Variants in SHANK2 observed in about 807,000 individuals in gnomAD.
SHANK2 encodes the protein SH3 and multiple ankyrin repeat domains 2, also known as SH3 and multiple ankyrin repeat domains protein 2.
Under a neutral mutation model 133.7 loss-of-function variants are expected in SHANK2, and 43 were observed. The observed-to-expected ratio is 0.32, with a 90% CI of 0.25 to 0.41. The LOEUF (loss-of-function observed/expected upper bound fraction) is 0.41, where lower values mean the gene tolerates loss of function less well. Ranked by LOEUF, SHANK2 falls within the 10% of genes least tolerant of loss-of-function variation. SHANK2 has a pLI of 1.00. For synonymous variants in SHANK2, 1,017 were observed against 952.8 expected, an observed-to-expected ratio of 1.07 and a Z score of -1.24; for missense variants, 1,994 against 2,235.8, an observed-to-expected ratio of 0.89 and a Z score of 2.18.
chr11:70,530,247 C>A (rs11236559), intron 17 of SHANK2, among the ~76,000 whole-genome samples: 67,780 of 152,058 alleles, frequency 0.45, 17,649 homozygotes, highest in Non-Finnish European at 0.58. Flanking sequence ...GGCCGGGCAC[C>A]GTGGCTCATG....
intron 25 of SHANK2, chr11:70,474,397 C>G (rs1252114455): frequency 6.6e-6 from 1 of 152,236 alleles, no homozygotes; most frequent in East Asian, 1.9e-4. Context: ...GAGGACGACC[C>G]TTCTAGCTCC....
intron 9 of SHANK2, among the ~76,000 whole-genome samples, chr11:71,063,024 G>A (rs1207819578): frequency 2.1e-5 from 3 of 145,204 alleles, no homozygotes; most frequent in East Asian, 2.0e-4. Flanking sequence ...AAAAGATAGA[G>A]AGTAAGAGAG....
rs1232753289 is a variant in SHANK2, at chr11:71,152,181, C to T, written c.-12-4843G>A. On this transcript the variant is annotated intron_variant, in intron 2 of 25. Coordinates refer to ENST00000601538, the MANE Select transcript of SHANK2 (RefSeq NM_012309.5). Reference sequence around the variant, plus strand: ...AGGCCAGAGTGCAGGGGTGCAATCTCGGCTCACTGCAACCTCCGCCTCCCA... The same window carrying T: ...AGGCCAGAGTGCAGGGGTGCAATCTTGGCTCACTGCAACCTCCGCCTCCCA... 2.6e-5 allele frequency among the ~76,000 whole-genome samples: 4 copies of T among 152,242 alleles called. No individual in the cohort carries two copies. The South Asian group carries it at 6.2e-4, about 24-fold the overall frequency.
intron 21 of SHANK2, among the ~76,000 whole-genome samples, chr11:70,496,120 G>T (rs1363842007): frequency 1.3e-5 from 2 of 152,184 alleles, no homozygotes; most frequent in African/African-American, 4.8e-5. Context: ...TGCAGGGGAA[G>T]GCCTGGGCGC....
chr11:70,664,512 G>T (rs1437249763), intron 15 of SHANK2, among the ~76,000 whole-genome samples: 1 of 152,208 alleles, frequency 6.6e-6, no homozygotes, highest in African/African-American at 2.4e-5. Context: ...GGGGTCTGGA[G>T]CTCAGGGCCC....
At chr11:70,693,937 G>T (rs1945340575) in intron 15 of SHANK2, among the ~76,000 whole-genome samples, 2 of 152,192 alleles carry the variant, frequency 1.3e-5, no homozygotes, top group Admixed American at 6.5e-5. Context: ...TAAATAGGTG[G>T]ATAGATGAGT....
rs1555098825 is a variant in SHANK2, at chr11:71,110,028, C to G, written c.505G>C (p.Asp169His). Residue 169 changes from aspartate to histidine, a missense_variant, in exon 6 of 26, where the codon GAT (aspartate) becomes CAT (histidine). Around this residue, in one of 5 missense-constraint regions of SHANK2, gnomAD observed 653 missense variants for 563.4 expected, o/e 1.16. Coordinates refer to ENST00000601538, the MANE Select transcript of SHANK2 (RefSeq NM_012309.5). ...TCCACCAAGCGATGCTGAATGTGAT[C>G]CATGCATTTCTTCAGATTGGTCTAG... The part of the protein sequence containing the change: ...HTKTNLKKCM[D>H]HIQHRLVEKI... The G allele has an allele frequency of 1.9e-6, 3 of 1,551,084 alleles. No homozygotes were observed. Among genetic ancestry groups the G allele is most frequent in the East Asian group, 2.4e-5 (1 of 40,918 alleles).
At chr11:70,767,901 A>G (rs1368676777) in intron 14 of SHANK2, among the ~76,000 whole-genome samples, 1 of 152,210 alleles carries the variant, frequency 6.6e-6, no homozygotes, top group Non-Finnish European at 1.5e-5. Context: ...CAGATATGCC[A>G]GTGCTCCCTT....
intron 17 of SHANK2, among the ~76,000 whole-genome samples, chr11:70,503,917 CA>C (rs1365780349): frequency 6.6e-6 from 1 of 152,186 alleles, no homozygotes; most frequent in African/African-American, 2.4e-5. Flanking sequence ...TAGTGGTTTT[CA>C]AATGTTGCTG....
chr11:70,636,774 C>G (rs12797701), intron 17 of SHANK2, among the ~76,000 whole-genome samples: 41 of 104,730 alleles, frequency 3.9e-4, no homozygotes, highest in African/African-American at 9.5e-4. Flanking sequence ...GTGTGAGCAT[C>G]TGTGTGAGCA....
rs782195538 is a variant in SHANK2, at chr11:70,486,843, G to A, written c.3450C>T (p.Pro1150=). 17 of 1,612,726 alleles carry A rather than the reference G, an allele frequency of 1.1e-5. No homozygotes were observed. The highest frequency in any genetic ancestry group is 1.4e-5 in the Non-Finnish European group (16 of 1,179,926). ...CCACGAAATGGTTTTCGGGCTCCCT[G>A]GGCGTGGCACTCGGCATGGGGGATG... The part of the protein sequence containing the change: ...QLSSPMPSAT[P]REPENHFVGG... Residue 1150 remains proline, a synonymous_variant, in exon 25 of 26, where the codon CCC becomes CCT. Transcript: ENST00000601538. The surrounding 1 kb of genome is among the most constrained non-coding windows in gnomAD (Gnocchi z 8.0).
At chr11:70,841,435 A>C (rs1267264779) in intron 11 of SHANK2, among the ~76,000 whole-genome samples, 1 of 152,194 alleles carries the variant, frequency 6.6e-6, no homozygotes, top group Non-Finnish European at 1.5e-5. Context: ...GAGGAGTCCA[A>C]GGTTCAGAGC....
At chr11:70,599,885 AAGAAAAAG>A (rs1313799478) in intron 17 of SHANK2, among the ~76,000 whole-genome samples, 3 of 96,558 alleles carry the variant, frequency 3.1e-5, no homozygotes, top group African/African-American at 1.2e-4. Flanking sequence ...GAAAGAAAGA[AAGAAAAAG>A]AAAGAAAGAA....
chr11:70,661,275 C>A (rs550567222), intron 16 of SHANK2, among the ~76,000 whole-genome samples: 3 of 152,198 alleles, frequency 2.0e-5, no homozygotes, highest in East Asian at 1.9e-4. Context: ...ATACTGACCA[C>A]CCCATCATTT....
intron 15 of SHANK2, among the ~76,000 whole-genome samples, chr11:70,694,709 C>T (rs541132776): frequency 2.6e-5 from 4 of 152,336 alleles, no homozygotes; most frequent in African/African-American, 9.6e-5. Flanking sequence ...GAGAAGCTGG[C>T]AGTCAGCCTC....
intron 14 of SHANK2, among the ~76,000 whole-genome samples, chr11:70,768,278 G>A (rs2135027118): frequency 6.6e-6 from 1 of 152,356 alleles, no homozygotes; most frequent in South Asian, 2.1e-4. Flanking sequence ...GCAGGCCTCT[G>A]CACCAGACAG....
chr11:70,744,241 C>T (rs1235795664), intron 14 of SHANK2, among the ~76,000 whole-genome samples: 1 of 152,258 alleles, frequency 6.6e-6, no homozygotes, highest in Non-Finnish European at 1.5e-5. Flanking sequence ...GGGTCTCTGG[C>T]CTCCCCCAGG....
chr11:70,489,477 G>A (rs1203714909), intron 23 of SHANK2, 129 bp from the exon 24 acceptor site: 9 of 862,314 alleles, frequency 1.0e-5, no homozygotes, highest in African/African-American at 1.6e-5. Flanking sequence ...TTACTGCCTA[G>A]TGACTGCCTA....
chr11:70,842,288 G>A (rs186743328), intron 11 of SHANK2, among the ~76,000 whole-genome samples: 1 of 152,202 alleles, frequency 6.6e-6, no homozygotes, highest in South Asian at 2.1e-4. Context: ...ATGCTGGAAA[G>A]AGACAGACAC....
Sources: gnomAD v4.1 joint callset for allele counts (sites outside exome capture counted in the v4.1 genomes callset) on GRCh38, gnomAD v4.1.1 for gene constraint, gnomAD v4.1.1 regional missense constraint, Gnocchi (gnomAD v3.1) non-coding constraint, MANE v1.5 for transcripts, NCBI Gene and HGNC (gene_info 2026-07-23, HGNC 2026-07-21) for gene names.